The following CHD7 variants were observed in gnomAD, a reference collection of about 807,000 sequenced individuals.
CHD7 encodes chromodomain helicase DNA binding protein 7, also known as ATP-dependent chromatin remodeler CHD7.
In CHD7, 24 loss-of-function variants were observed where a neutral mutation model predicts 307.3. The ratio of observed to expected loss-of-function variants is 0.08; its 90% CI spans 0.06 to 0.11. CHD7 has a LOEUF of 0.11. Ranked by LOEUF, CHD7 falls within the 10% of genes least tolerant of loss-of-function variation. The probability of loss-of-function intolerance (pLI) is 1.00; values close to 1 mark genes in which losing one functional copy is unlikely to be tolerated. For missense variants in CHD7, 3,106 were observed against 3,727.1 expected (o/e 0.83, Z 4.34); for synonymous variants, 1,363 against 1,349.9 (o/e 1.01, Z -0.21).
intron 3 of CHD7, among the ~76,000 whole-genome samples, chr8:60,782,318 T>C (rs1298715177): frequency 1.3e-5 from 2 of 152,230 alleles, no homozygotes; most frequent in African/African-American, 4.8e-5. Flanking sequence ...CCTGTGCATG[T>C]ACACAGTCAG....
At chr8:60,787,698 G>A (rs1161356426) in intron 3 of CHD7, among the ~76,000 whole-genome samples, 12 of 152,120 alleles carry the variant, frequency 7.9e-5, no homozygotes, top group Non-Finnish European at 1.8e-4. Flanking sequence ...ATGCCACATA[G>A]CCAAAGTGTT....
At chr8:60,679,510 G>C (rs1224808032) in intron 1 of CHD7, 1 of 147,196 alleles carries the variant, frequency 6.8e-6, no homozygotes, top group Admixed American at 6.8e-5. Flanking sequence ...TCCTCCCGCC[G>C]GCGCCGAGCA....
chr8:60,827,666 G>A (rs925378186), intron 13 of CHD7, among the ~76,000 whole-genome samples: 2 of 152,026 alleles, frequency 1.3e-5, no homozygotes, highest in African/African-American at 4.8e-5. Context: ...AGGAATACAA[G>A]CATATTGAAC....
chr8:60,719,391 G>C (rs1459283021), intron 1 of CHD7, among the ~76,000 whole-genome samples: 1 of 152,122 alleles, frequency 6.6e-6, no homozygotes, highest in Non-Finnish European at 1.5e-5. Context: ...TAGATAGATT[G>C]ATTTTATGTC....
At chr8:60,690,898 A>T (rs1041811748) in intron 1 of CHD7, among the ~76,000 whole-genome samples, 1 of 152,162 alleles carries the variant, frequency 6.6e-6, no homozygotes. Flanking sequence ...TTTTCAGGTC[A>T]GGGAGCTGCC....
rs1336258917 is a variant in CHD7, at chr8:60,866,223, T to C, written c.*290T>C. ...GCTTTTTTTTTTTCTCTTGGTACCATTGGTATTATAATAAAGAGCAATTTG... is the reference window on the plus strand; with the variant it reads ...GCTTTTTTTTTTTCTCTTGGTACCACTGGTATTATAATAAAGAGCAATTTG... On this transcript the variant is annotated 3_prime_UTR_variant, in exon 38 of 38. Coordinates refer to ENST00000423902, the MANE Select transcript of CHD7 (RefSeq NM_017780.4). 1 of 241,972 alleles carries C rather than the reference T, an allele frequency of 4.1e-6. No individual in the cohort carries two copies. The highest frequency in any genetic ancestry group is 2.3e-5 in the African/African-American group (1 of 44,398). 15.0% of individuals were successfully genotyped at this position (241,972 alleles called of 1,614,324 possible). A position where few individuals can be genotyped will look rare whatever the true frequency, so the allele number is the denominator to read the frequency against.
intron 4 of CHD7, among the ~76,000 whole-genome samples, chr8:60,799,593 A>G (rs1812197696): frequency 6.6e-6 from 1 of 152,242 alleles, no homozygotes. Flanking sequence ...GGCCTGAAAT[A>G]TCTGGGGCAC....
chr8:60,852,459 C>T (rs1317256367), intron 29 of CHD7, 39 bp from the exon 30 acceptor site: 1 of 1,555,554 alleles, frequency 6.4e-7, no homozygotes, highest in South Asian at 1.1e-5. Context: ...TAAGTCTTTT[C>T]CTGAAGTATG....
At chr8:60,837,235 A>C (rs1453880685) in intron 17 of CHD7, among the ~76,000 whole-genome samples, 1 of 152,200 alleles carries the variant, frequency 6.6e-6, no homozygotes, top group Non-Finnish European at 1.5e-5. Context: ...ATTGGCACAT[A>C]GATAGGGTCT....
At chr8:60,728,787 G>T (rs1586226596) in intron 1 of CHD7, among the ~76,000 whole-genome samples, 1 of 152,126 alleles carries the variant, frequency 6.6e-6, no homozygotes, top group African/African-American at 2.4e-5. Context: ...AAATGAAAAA[G>T]AATTCTTTCA....
At chr8:60,730,039 A>C (rs1467807154) in intron 1 of CHD7, among the ~76,000 whole-genome samples, 1 of 152,272 alleles carries the variant, frequency 6.6e-6, no homozygotes, top group Non-Finnish European at 1.5e-5. Context: ...ATGTCATTAC[A>C]GTCAATGCTC....
intron 1 of CHD7, among the ~76,000 whole-genome samples, chr8:60,734,327 C>G (rs1808598706): frequency 1.3e-5 from 2 of 152,322 alleles, no homozygotes; most frequent in African/African-American, 4.8e-5. Flanking sequence ...GTCTGCGTCT[C>G]TTACCAGCTC....
intron 19 of CHD7, among the ~76,000 whole-genome samples, chr8:60,841,332 A>T (rs1308915501): frequency 6.6e-6 from 1 of 152,128 alleles, no homozygotes; most frequent in Non-Finnish European, 1.5e-5. Flanking sequence ...TATGGAAGAG[A>T]CTTTTCTTTT....
chr8:60,848,446 G>A, intron 23 of CHD7, 69 bp from the exon 24 acceptor site: 1 of 1,090,680 alleles, frequency 9.2e-7, no homozygotes. Flanking sequence ...AGCAGCAGCT[G>A]CCAAAAGCCA....
intron 2 of CHD7, among the ~76,000 whole-genome samples, chr8:60,745,937 G>A (rs1809302374): frequency 6.6e-6 from 1 of 152,214 alleles, no homozygotes; most frequent in African/African-American, 2.4e-5. Context: ...TGGTATATAT[G>A]TTAATTCTCC....
intron 2 of CHD7, among the ~76,000 whole-genome samples, chr8:60,776,988 G>A (rs955337612): frequency 6.6e-6 from 1 of 152,150 alleles, no homozygotes; most frequent in Admixed American, 6.5e-5. Flanking sequence ...CAATAGTTTA[G>A]TGTTCTAAAA....
In CHD7 at chr8:60,853,579, C is replaced by T. The variant is rs1406738680; in HGVS notation, c.6775+79C>T. 1.3e-5 allele frequency: 15 copies of T among 1,138,366 alleles called. No individual in the cohort carries two copies. In the South Asian group the frequency reaches 1.4e-4, roughly 10 times the overall value. The allele number at this position is 1,138,366 out of a possible 1,614,324, so 70.5% of individuals were successfully genotyped here. A position where few individuals can be genotyped will look rare whatever the true frequency, so the allele number is the denominator to read the frequency against. ...TGCGTTGCTTTCTGGCAGCACGGCA[C>T]CTGCTCTTTTTCACGAGTACTTAGT... On this transcript the variant is annotated intron_variant, in intron 31 of 37. Coordinates refer to ENST00000423902, the MANE Select transcript of CHD7 (RefSeq NM_017780.4).
In CHD7 at chr8:60,862,310, G is replaced by A; in HGVS notation, c.7945G>A (p.Val2649Ile). ...NTLTGEERVP[V>I]VNKRNGKKMG... ...TTTGACAGGAGAAGAAAGGGTGCCT[G>A]TTGTCAATAAACGAAATGGGAAGAA... The change falls in exon 36 of 38, where the codon GTT (valine) becomes ATT (isoleucine). Residue 2649 changes from valine to isoleucine, a missense_variant. Around this residue, in one of 10 missense-constraint regions of CHD7, gnomAD observed 59 missense variants for 106.2 expected, o/e 0.56. Coordinates refer to ENST00000423902, the MANE Select transcript of CHD7 (RefSeq NM_017780.4). The A allele has an allele frequency of 6.2e-7, 1 of 1,605,098 alleles. No homozygotes were observed. Among genetic ancestry groups the A allele is most frequent in the Non-Finnish European group, 8.5e-7 (1 of 1,176,670 alleles).
intron 1 of CHD7, among the ~76,000 whole-genome samples, chr8:60,691,762 C>T (rs566388856): frequency 3.3e-5 from 5 of 152,242 alleles, no homozygotes; most frequent in African/African-American, 9.6e-5. Context: ...TGAGCTGGAC[C>T]GAGGTAACTT....
Sources: allele counts gnomAD v4.1 joint callset (sites outside exome capture counted in the v4.1 genomes callset), GRCh38; gene constraint gnomAD v4.1.1; regional missense constraint gnomAD v4.1.1; transcripts MANE v1.5; gene names NCBI Gene and HGNC (gene_info 2026-07-23, HGNC 2026-07-21).